The following CHST8 variants were observed in gnomAD, a reference collection of about 807,000 sequenced individuals.
The protein encoded by CHST8 is carbohydrate sulfotransferase 8, also known as GALNAC-4-ST1.
Under a neutral mutation model 15.0 loss-of-function variants are expected in CHST8, and 10 were observed. The ratio of observed to expected loss-of-function variants is 0.67; its 90% CI spans 0.41 to 1.13. The LOEUF is 1.13. Ranked by LOEUF, CHST8 falls within the 50% of genes most tolerant of loss-of-function variation. CHST8 has a pLI of 0.00. For synonymous variants in CHST8, 259 were observed against 256.6 expected (o/e 1.01, Z -0.09); for missense variants, 634 against 608.2 (o/e 1.04, Z -0.45).
At chr19:33,760,805 C>T (rs906582459) in intron 3 of CHST8, among the ~76,000 whole-genome samples, 4 of 152,134 alleles carry the variant, frequency 2.6e-5, no homozygotes, top group Non-Finnish European at 5.9e-5. Flanking sequence ...AACTGTCCCA[C>T]ATTGCCTGCA....
chr19:33,766,346 C>T (rs1348640132), intron 3 of CHST8, among the ~76,000 whole-genome samples: 12 of 152,124 alleles, frequency 7.9e-5, no homozygotes, highest in Non-Finnish European at 1.3e-4. Context: ...CTTCATACTT[C>T]CCATGGAGTG....
chr19:33,724,487 C>G (rs117265863), intron 3 of CHST8, among the ~76,000 whole-genome samples: 11,353 of 152,296 alleles, frequency 0.075, 600 homozygotes, highest in Middle Eastern at 0.12. Flanking sequence ...GGGCTGGCAG[C>G]CGGGCTGCTC....
intron 3 of CHST8, among the ~76,000 whole-genome samples, chr19:33,755,758 G>A (rs1337132618): frequency 2.6e-5 from 4 of 152,238 alleles, no homozygotes; most frequent in Non-Finnish European, 5.9e-5. Context: ...GAGAGCAGCT[G>A]CGCTGGTTGG....
chr19:33,654,080 T>G lies in CHST8; in HGVS notation c.-163-13687T>G, dbSNP rs189574793. On this transcript the variant is annotated intron_variant, in intron 1 of 4. Transcript: ENST00000650847. ...TGCATTCTGGGTGATTATGTTAGATTCACCCCTGGATCACCTTGTCTCCTA... is the reference window on the plus strand; with the variant it reads ...TGCATTCTGGGTGATTATGTTAGATGCACCCCTGGATCACCTTGTCTCCTA... Among the ~76,000 whole-genome samples, 145 of 152,358 alleles carry G rather than the reference T, an allele frequency of 9.5e-4. 1 individual carries two copies. The highest frequency in any genetic ancestry group is 8.3e-4 in the South Asian group (4 of 4,826).
intron 3 of CHST8, among the ~76,000 whole-genome samples, chr19:33,701,370 A>G (rs543718230): frequency 1.3e-5 from 2 of 152,322 alleles, no homozygotes; most frequent in Non-Finnish European, 2.9e-5. Context: ...AATATGCTAA[A>G]TGAAAAATAA....
chr19:33,763,702 C>T (rs553817155), intron 3 of CHST8, among the ~76,000 whole-genome samples: 1 of 152,362 alleles, frequency 6.6e-6, no homozygotes, highest in African/African-American at 2.4e-5. Context: ...AGGCTGCCCG[C>T]TCATTGCTGC....
intron 2 of CHST8, among the ~76,000 whole-genome samples, chr19:33,679,404 G>A (rs1972856211): frequency 6.6e-6 from 1 of 152,142 alleles, no homozygotes; most frequent in Non-Finnish European, 1.5e-5. Context: ...ACTGTCGAGG[G>A]AACTTTTAAC....
At chr19:33,659,825 A>G (rs1972563147) in intron 1 of CHST8, among the ~76,000 whole-genome samples, 1 of 152,166 alleles carries the variant, frequency 6.6e-6, no homozygotes, top group Admixed American at 6.5e-5. Flanking sequence ...AAAAATAAAA[A>G]TAAAGAGTGT....
At chr19:33,682,097 C>T (rs1043401195) in intron 2 of CHST8, among the ~76,000 whole-genome samples, 1 of 151,856 alleles carries the variant, frequency 6.6e-6, no homozygotes, top group Non-Finnish European at 1.5e-5. Context: ...TCAGGTGATC[C>T]ACCCGCCTTG....
intron 3 of CHST8, among the ~76,000 whole-genome samples, chr19:33,695,524 G>A (rs1973192515): frequency 6.6e-6 from 1 of 152,224 alleles, no homozygotes; most frequent in Non-Finnish European, 1.5e-5. Context: ...CACCCAAGCA[G>A]TGTACACCAT....
chr19:33,732,143 C>G (rs1254184985), intron 3 of CHST8, among the ~76,000 whole-genome samples: 1 of 152,200 alleles, frequency 6.6e-6, no homozygotes, highest in African/African-American at 2.4e-5. Flanking sequence ...GAAAAGCCGC[C>G]CCCTGAGGCT....
At chr19:33,739,866 AG>A (rs1247325570) in intron 3 of CHST8, among the ~76,000 whole-genome samples, 2 of 152,164 alleles carry the variant, frequency 1.3e-5, no homozygotes, top group Non-Finnish European at 1.5e-5. Context: ...CTGAAAAGGA[AG>A]GGTGCCATAG....
At chr19:33,656,416 G>A (rs1030136014) in intron 1 of CHST8, among the ~76,000 whole-genome samples, 5 of 152,182 alleles carry the variant, frequency 3.3e-5, no homozygotes, top group African/African-American at 1.2e-4. Context: ...TGTGAAATAG[G>A]GAGATTATTT....
chr19:33,759,923 A>C (rs918816864), intron 3 of CHST8, among the ~76,000 whole-genome samples: 10 of 152,098 alleles, frequency 6.6e-5, no homozygotes, highest in Non-Finnish European at 1.5e-4. Flanking sequence ...ATCAGCAAAC[A>C]CTGCAAACCA....
intron 1 of CHST8, among the ~76,000 whole-genome samples, chr19:33,654,641 G>C (rs568364493): frequency 4.1e-4 from 62 of 152,000 alleles, no homozygotes; most frequent in Non-Finnish European, 7.9e-4. Context: ...GTTCAGGCTT[G>C]GGATTCTTTT....
chr19:33,741,892 G>A (rs1243254869), intron 3 of CHST8, among the ~76,000 whole-genome samples: 3 of 151,974 alleles, frequency 2.0e-5, no homozygotes, highest in South Asian at 2.1e-4. Flanking sequence ...CTATCTATTC[G>A]GATTATACAT....
chr19:33,644,701 A>T (rs1246278401), intron 1 of CHST8, among the ~76,000 whole-genome samples: 1 of 152,172 alleles, frequency 6.6e-6, no homozygotes, highest in Non-Finnish European at 1.5e-5. Context: ...TGACTGTGCC[A>T]CTGCACTCTA....
chr19:33,632,734 G>A (rs1972137852), intron 1 of CHST8, among the ~76,000 whole-genome samples: 1 of 147,842 alleles, frequency 6.8e-6, no homozygotes, highest in Admixed American at 6.9e-5. Context: ...CTAACGATAT[G>A]GATTGGTTTT....
chr19:33,625,088 CTTT>C (rs112353397), intron 1 of CHST8, among the ~76,000 whole-genome samples: 2 of 144,396 alleles, frequency 1.4e-5, no homozygotes, highest in Admixed American at 6.9e-5. Context: ...TTCTTTCTTT[CTTT>C]TTTTTTTTTT....
Sources: gnomAD v4.1 joint callset for allele counts (sites outside exome capture counted in the v4.1 genomes callset) on GRCh38, gnomAD v4.1.1 for gene constraint, MANE v1.5 for transcripts, NCBI Gene and HGNC (gene_info 2026-07-23, HGNC 2026-07-21) for gene names.